DPP6: variants seen among roughly 807,000 people sequenced by gnomAD.
DPP6 encodes A-type potassium channel modulatory protein DPP6.
DPP6 carries 69 observed loss-of-function variants against 122.6 expected under a neutral mutation model. The ratio of observed to expected loss-of-function variants is 0.56; its 90% confidence interval spans 0.46 to 0.69. The LOEUF (loss-of-function observed/expected upper bound fraction) is 0.69, where lower values mean the gene tolerates loss of function less well. Ranked by LOEUF, DPP6 falls within the 30% of genes least tolerant of loss-of-function variation. The pLI is 0.00. For synonymous variants in DPP6, 418 were observed against 433.1 expected, an observed-to-expected ratio of 0.97 and a Z score of 0.43; for missense variants, 928 against 1,116.9, an observed-to-expected ratio of 0.83 and a Z score of 2.41.
chr7:154,886,902 A>G (rs181239998), intron 22 of DPP6, among the ~76,000 whole-genome samples: 1 of 152,372 alleles, frequency 6.6e-6, no homozygotes, highest in Admixed American at 6.5e-5. Flanking sequence ...TAACTCGTAC[A>G]GGAACTCTCC....
At chr7:153,826,679 C>T in the DPP6 span, among the ~76,000 whole-genome samples, 1 of 152,092 alleles carries the variant, frequency 6.6e-6, no homozygotes, top group Non-Finnish European at 1.5e-5. Context: ...AAAAATTCAC[C>T]TAAAAACTTC....
chr7:154,264,868 G>A (rs541365179), intron 1 of DPP6, among the ~76,000 whole-genome samples: 1 of 150,754 alleles, frequency 6.6e-6, no homozygotes, highest in East Asian at 2.0e-4. Flanking sequence ...TAATGATGGT[G>A]ATCCTGATGA....
At chr7:154,756,686 C>T (rs961565445) in intron 8 of DPP6, among the ~76,000 whole-genome samples, 1 of 152,142 alleles carries the variant, frequency 6.6e-6, no homozygotes, top group Non-Finnish European at 1.5e-5. Flanking sequence ...AATCTCCTCT[C>T]CCCTCCCCAT....
chr7:154,365,936 C>A (rs1462018389), intron 1 of DPP6, among the ~76,000 whole-genome samples: 2 of 126,874 alleles, frequency 1.6e-5, no homozygotes, highest in Non-Finnish European at 3.1e-5. Context: ...CCAGCCTGGG[C>A]GACAGAGCGA....
At chr7:154,131,440 TAG>T (rs1265334841) in intron 1 of DPP6, among the ~76,000 whole-genome samples, 1 of 152,244 alleles carries the variant, frequency 6.6e-6, no homozygotes, top group African/African-American at 2.4e-5. Flanking sequence ...GGCCAAGAAT[TAG>T]AGTTTCATGT....
At chr7:154,107,961 A>G (rs1419050822) in intron 1 of DPP6, among the ~76,000 whole-genome samples, 1 of 152,208 alleles carries the variant, frequency 6.6e-6, no homozygotes. Context: ...TTGAACTTCA[A>G]TTTTCGTTGC....
intron 1 of DPP6, among the ~76,000 whole-genome samples, chr7:154,289,989 C>T (rs1287418160): frequency 3.3e-5 from 5 of 151,990 alleles, no homozygotes; most frequent in African/African-American, 9.7e-5. Flanking sequence ...ACCAGATGGG[C>T]GAGGATGTTG....
intron 5 of DPP6, among the ~76,000 whole-genome samples, chr7:154,609,976 A>G (rs1053526402): frequency 6.6e-6 from 1 of 152,204 alleles, no homozygotes; most frequent in African/African-American, 2.4e-5. Flanking sequence ...AATATCACAT[A>G]TAACCATACA....
intron 7 of DPP6, among the ~76,000 whole-genome samples, chr7:154,720,423 G>A (rs1841738800): frequency 6.6e-6 from 1 of 152,236 alleles, no homozygotes; most frequent in African/African-American, 2.4e-5. Context: ...TGGGCCTTAT[G>A]TACATCTCAG....
intron 1 of DPP6, among the ~76,000 whole-genome samples, chr7:154,147,394 TA>T (rs1796148715): frequency 6.6e-6 from 1 of 152,220 alleles, no homozygotes; most frequent in African/African-American, 2.4e-5. Context: ...TGTTCATTGT[TA>T]ACCACTTTCC....
intron 6 of DPP6, among the ~76,000 whole-genome samples, chr7:154,667,101 T>C (rs1586848387): frequency 6.6e-6 from 1 of 152,220 alleles, no homozygotes; most frequent in East Asian, 1.9e-4. Context: ...GTACCTTTCA[T>C]ATGTTTGATT....
intron 5 of DPP6, among the ~76,000 whole-genome samples, chr7:154,574,606 AGTTTGGGGTGTATGTGT>A (rs1831372831): frequency 5.1e-5 from 3 of 58,366 alleles, no homozygotes; most frequent in Non-Finnish European, 6.6e-5. Context: ...AGTGTATGTG[AGTTTGGGGTGTATGTGT>A]GTGGTGTGTG....
chr7:154,721,637 T>G (rs182630597), intron 7 of DPP6, among the ~76,000 whole-genome samples: 1 of 152,066 alleles, frequency 6.6e-6, no homozygotes, highest in East Asian at 1.9e-4. Flanking sequence ...AAAGAAAAAA[T>G]AAAAAGAAGT....
the DPP6 span, among the ~76,000 whole-genome samples, chr7:153,761,586 CT>C: frequency 2.0e-5 from 3 of 151,518 alleles, no homozygotes; most frequent in East Asian, 1.9e-4. Flanking sequence ...TTTATCTCCC[CT>C]TTTTTTTGAC....
rs1799726433 is a variant in DPP6 at position 154,821,031 on chromosome 7, G to T, written c.1666+13919G>T. 6.6e-6 allele frequency among the ~76,000 whole-genome samples: 1 copy of T among 152,132 alleles called. No individual in the cohort carries two copies. The highest frequency in any genetic ancestry group is 1.5e-5 in the Non-Finnish European group (1 of 68,040). On this transcript the variant is annotated intron_variant, in intron 16 of 25. Transcript: ENST00000377770. This position sits in a 1 kb window ranked among gnomAD's most constrained non-coding sequence, Gnocchi z 4.2. ...TGTTTACTGAAAGCATATTCTTAAG[G>T]CCGGTGTTGGGGATGCCCTTCTGGC...
chr7:153,861,889 T>TG, the DPP6 span, among the ~76,000 whole-genome samples: 8 of 152,174 alleles, frequency 5.3e-5, no homozygotes, highest in Admixed American at 5.2e-4. Context: ...AGCAATTCTT[T>TG]GGGGGGAAAA....
chr7:154,617,840 C>G (rs950802429), intron 5 of DPP6, among the ~76,000 whole-genome samples: 1 of 152,130 alleles, frequency 6.6e-6, no homozygotes, highest in Non-Finnish European at 1.5e-5. Flanking sequence ...GGTTTAGTAG[C>G]ACTGGAAAAC....
intron 1 of DPP6, among the ~76,000 whole-genome samples, chr7:154,369,214 C>T (rs1812435870): frequency 6.6e-6 from 1 of 152,194 alleles, no homozygotes; most frequent in Non-Finnish European, 1.5e-5. Context: ...CCTGCCTCAG[C>T]CTCCCAAATA....
At chr7:154,842,153 T>C (rs574077075) in intron 16 of DPP6, among the ~76,000 whole-genome samples, 1 of 152,210 alleles carries the variant, frequency 6.6e-6, no homozygotes, top group Non-Finnish European at 1.5e-5. Context: ...CCATGCCAAT[T>C]ATCTCGCTCG....
Sources: allele counts gnomAD v4.1 joint callset (sites outside exome capture counted in the v4.1 genomes callset), GRCh38; gene constraint gnomAD v4.1.1; non-coding constraint Gnocchi (gnomAD v3.1); transcripts MANE v1.5; gene names NCBI Gene and HGNC (gene_info 2026-07-23, HGNC 2026-07-21).